ASXL3: variants seen among roughly 807,000 people sequenced by gnomAD.
ASXL3 encodes the protein ASXL transcriptional regulator 3, also known as putative Polycomb group protein ASXL3.
In ASXL3, 34 loss-of-function variants were observed where a neutral mutation model predicts 170.6. The observed-to-expected ratio is 0.20, with a 90% CI of 0.15 to 0.27. The LOEUF (loss-of-function observed/expected upper bound fraction) is 0.27, where lower values mean the gene tolerates loss of function less well. Among genes scored for constraint, ASXL3 ranks in the 10% least tolerant of loss-of-function variants. The pLI is 1.00. For synonymous variants in ASXL3, 1,002 were observed against 989.1 expected (o/e 1.01, Z -0.24); for missense variants, 2,592 against 2,695.3 (o/e 0.96, Z 0.85).
intron 1 of ASXL3, among the ~76,000 whole-genome samples, chr18:33,596,437 A>C (rs747555137): frequency 7.9e-5 from 12 of 152,186 alleles, no homozygotes; most frequent in Non-Finnish European, 1.3e-4. Flanking sequence ...TATAGTCAGG[A>C]GAAAAGAATT....
chr18:33,739,732 A>G lies in ASXL3; in HGVS notation c.2328A>G (p.Glu776=). 6.2e-7 allele frequency: 1 copy of G among 1,613,876 alleles called. No individual in the cohort carries two copies. The change falls in exon 11 of 12, where the codon GAA becomes GAG. Residue 776 remains glutamate, a synonymous_variant. Coordinates refer to ENST00000269197, the MANE Select transcript of ASXL3 (RefSeq NM_030632.3). ...AAAGAAAGTCACCTTCTGTATCTGA[A>G]GAGCCACTCTCCCCGCAGAAAGATG... The part of the protein sequence containing the change: ...HQQRKSPSVS[E]EPLSPQKDES...
chr18:33,598,790 TG>T (rs1053368508), intron 1 of ASXL3, among the ~76,000 whole-genome samples: 1 of 152,174 alleles, frequency 6.6e-6, no homozygotes, highest in Non-Finnish European at 1.5e-5. Context: ...CAGGAGGTAT[TG>T]TGGATAACCA....
chr18:33,657,670 A>C (rs922031970), intron 4 of ASXL3, among the ~76,000 whole-genome samples: 1 of 152,126 alleles, frequency 6.6e-6, no homozygotes, highest in African/African-American at 2.4e-5. Context: ...CTAGCCTTCA[A>C]GGCTGTCTCA....
intron 8 of ASXL3, among the ~76,000 whole-genome samples, chr18:33,712,582 T>G (rs2067086485): frequency 6.6e-6 from 1 of 152,208 alleles, no homozygotes; most frequent in Non-Finnish European, 1.5e-5. Flanking sequence ...CTGATGATTT[T>G]GAAGCTAGTT....
At chr18:33,578,732 C>A (rs1488997692) in intron 1 of ASXL3, 47 bp downstream of exon 1, 2 of 1,119,296 alleles carry the variant, frequency 1.8e-6, no homozygotes, top group Non-Finnish European at 2.2e-6. Flanking sequence ...GCCGGCCCCG[C>A]CGCTCGCCCC....
At chr18:33,632,416 T>C (rs1194899072) in intron 2 of ASXL3, among the ~76,000 whole-genome samples, 3 of 152,182 alleles carry the variant, frequency 2.0e-5, no homozygotes, top group Non-Finnish European at 4.4e-5. Flanking sequence ...CCAGTGTTTA[T>C]CCTGAACACC....
chr18:33,656,582 T>C (rs1599454438), intron 4 of ASXL3, among the ~76,000 whole-genome samples: 1 of 152,138 alleles, frequency 6.6e-6, no homozygotes, highest in Non-Finnish European at 1.5e-5. Context: ...ATTTCTAATT[T>C]TGACTTTTAA....
intron 8 of ASXL3, among the ~76,000 whole-genome samples, chr18:33,714,952 C>G (rs752113746): frequency 6.6e-6 from 1 of 151,970 alleles, no homozygotes; most frequent in South Asian, 2.1e-4. Context: ...GTAAAGTTAC[C>G]TAACAAGGAC....
intron 1 of ASXL3, among the ~76,000 whole-genome samples, chr18:33,598,134 G>T (rs551858339): frequency 6.1e-4 from 93 of 152,114 alleles, no homozygotes; most frequent in African/African-American, 2.2e-3. Flanking sequence ...TCATAATATT[G>T]TATTAATCCT....
chr18:33,715,121 T>C (rs2067141899), intron 8 of ASXL3, among the ~76,000 whole-genome samples: 1 of 152,190 alleles, frequency 6.6e-6, no homozygotes, highest in Admixed American at 6.5e-5. Flanking sequence ...TTTTACTTTA[T>C]AGTTTACTTT....
intron 8 of ASXL3, among the ~76,000 whole-genome samples, chr18:33,696,226 G>C (rs1292630604): frequency 6.6e-6 from 1 of 151,986 alleles, no homozygotes; most frequent in East Asian, 1.9e-4. Flanking sequence ...AAAAAATATA[G>C]TTGCCCAAGA....
At position 33,636,281 on chromosome 18, in the gene ASXL3, C is replaced by T. The variant is rs115159820; in HGVS notation, c.138-8613C>T. On this transcript the variant is annotated intron_variant, in intron 2 of 11. Coordinates refer to ENST00000269197, the MANE Select transcript of ASXL3 (RefSeq NM_030632.3). ...TGGCCTGAGGACTTTGTGCCTCCTTCGGTGGGCAGTGAAAACCACTGATTC... is the reference window on the plus strand; with the variant it reads ...TGGCCTGAGGACTTTGTGCCTCCTTTGGTGGGCAGTGAAAACCACTGATTC... 5.0e-3 allele frequency among the ~76,000 whole-genome samples: 763 copies of T among 151,852 alleles called. 5 individuals carry two copies. The highest frequency in any genetic ancestry group is 0.017 in the African/African-American group (688 of 41,364).
chr18:33,646,091 T>A (rs1460582601), intron 3 of ASXL3, among the ~76,000 whole-genome samples, 154 bp from the exon 4 acceptor site: 3 of 151,848 alleles, frequency 2.0e-5, no homozygotes, highest in African/African-American at 4.8e-5. Context: ...TTTTTTTTTT[T>A]AATGGAAGAA....
At chr18:33,593,947 A>G (rs2065102232) in intron 1 of ASXL3, among the ~76,000 whole-genome samples, 2 of 152,188 alleles carry the variant, frequency 1.3e-5, no homozygotes, top group African/African-American at 2.4e-5. Flanking sequence ...TTTTACATTT[A>G]TATCCCCTAT....
In ASXL3 at chr18:33,738,402, A is replaced by G. The variant is rs2067584874; in HGVS notation, c.1083-85A>G. On this transcript the variant is annotated intron_variant, in intron 10 of 11. Coordinates refer to ENST00000269197, the MANE Select transcript of ASXL3 (RefSeq NM_030632.3). Reference sequence around the variant, plus strand: ...AATGTAATTTGATGCATTTACTTCTATTGAATACTACATTCATGAGAGATC... The same window carrying G: ...AATGTAATTTGATGCATTTACTTCTGTTGAATACTACATTCATGAGAGATC... The G allele has an allele frequency of 4.5e-6, 6 of 1,320,650 alleles. No homozygotes were observed. In the South Asian group the frequency reaches 7.9e-5, roughly 17 times the overall value. 81.8% of individuals were successfully genotyped at this position (1,320,650 alleles called of 1,614,324 possible). A position where few individuals can be genotyped will look rare whatever the true frequency, so the allele number is the denominator to read the frequency against.
Position 33,745,360 on chromosome 18 carries a change from C to A in ASXL3, c.5512C>A (p.His1838Asn), listed in dbSNP as rs2067761300. ...GAGAGTAGCTAGGACTGTAGGAGAA[C>A]ACACTCAAGTTAAATGTGAACCAGG... ...KKRVARTVGE[H>N]TQVKCEPGKL... is the part of the protein sequence containing the mutation. Residue 1838 changes from histidine (H) to asparagine (N), a missense_variant, in exon 12 of 12, where the codon CAC becomes AAC. Physicochemically the swap from His to Asn is moderately conservative, Grantham distance 68 (BLOSUM62 1). This residue lies in a region of ASXL3 where 2,246 missense variants were observed against 2,219.6 expected (regional missense o/e 1.01). Coordinates refer to ENST00000269197, the MANE Select transcript of ASXL3 (RefSeq NM_030632.3). 1.2e-6 allele frequency: 2 copies of A among 1,613,986 alleles called. No individual in the cohort carries two copies. The highest frequency in any genetic ancestry group is 1.7e-6 in the Non-Finnish European group (2 of 1,179,898).
intron 1 of ASXL3, chr18:33,605,342 T>C (rs952208486): frequency 2.6e-5 from 4 of 152,046 alleles, no homozygotes; most frequent in African/African-American, 9.7e-5. Flanking sequence ...TAATTTCTCC[T>C]TATCTTTTGT....
rs1026518191 is a variant in ASXL3, at chr18:33,728,107, A to C, written c.880-3861A>C. 2.6e-5 allele frequency among the ~76,000 whole-genome samples: 4 copies of C among 152,240 alleles called. No individual in the cohort carries two copies. In the East Asian group the frequency reaches 7.7e-4, roughly 29 times the overall value. ...CTAATCATGCCCCTGGCTTGGTAGG[A>C]TATATGGAACTAAACTTCTGTATAT... On this transcript the variant is annotated intron_variant, in intron 8 of 11. Coordinates refer to ENST00000269197, the MANE Select transcript of ASXL3 (RefSeq NM_030632.3).
At chr18:33,712,305 A>T (rs919960117) in intron 8 of ASXL3, among the ~76,000 whole-genome samples, 7 of 152,022 alleles carry the variant, frequency 4.6e-5, no homozygotes, top group Admixed American at 2.0e-4. Context: ...TCTGTCATTT[A>T]AAAAAAATTG....
Sources: allele counts gnomAD v4.1 joint callset (sites outside exome capture counted in the v4.1 genomes callset), GRCh38; gene constraint gnomAD v4.1.1; regional missense constraint gnomAD v4.1.1; transcripts MANE v1.5; gene names NCBI Gene and HGNC (gene_info 2026-07-23, HGNC 2026-07-21).